The following ZNF721 variants were observed in gnomAD, a reference collection of about 807,000 sequenced individuals.
ZNF721 encodes zinc finger protein 721.
Under a neutral mutation model 2.4 loss-of-function variants are expected in ZNF721, and 2 were observed. The ratio of observed to expected loss-of-function variants is 0.82; its 90% CI spans 0.34 to 2.58. The LOEUF (loss-of-function observed/expected upper bound fraction) is 2.58. ZNF721 is among the 30% of genes most tolerant of loss of function. The pLI is 0.11. For synonymous variants in ZNF721, 398 were observed against 381.8 expected (o/e 1.04, Z -0.50); for missense variants, 1,187 against 1,085.5 (o/e 1.09, Z -1.31).
chr4:446,072 T>C (rs1313528011), intron 2 of ZNF721, among the ~76,000 whole-genome samples: 1 of 152,012 alleles, frequency 6.6e-6, no homozygotes, highest in Non-Finnish European at 1.5e-5. Context: ...AAAAGTATAT[T>C]AGCACAACAC....
chr4:481,219 G>C (rs181024018), intron 1 of ZNF721, among the ~76,000 whole-genome samples: 103 of 152,270 alleles, frequency 6.8e-4, no homozygotes, highest in African/African-American at 2.3e-3. Context: ...ACCACACCCA[G>C]AGGCATTTTA....
chr4:444,482 A>G (rs1293789151), intron 2 of ZNF721, 50 bp from the exon 3 acceptor site: 38 of 1,482,332 alleles, frequency 2.6e-5, no homozygotes, highest in Non-Finnish European at 3.3e-5. Context: ...ATTCATATGC[A>G]TATACTTTAC....
rs782023252 is a variant in ZNF721, at chr4:442,598, T to C, written c.1869A>G (p.Val623=). ...TCTGTTGATTCAGGTCCGTGTACCA[T>C]ACAAAGTCTTTGCCACACTCTTCAC... ...YKCEECGKDF[V]WYTDLNQQKK... The change falls in exon 3 of 3, where the codon GTA becomes GTG. Residue 623 remains valine (V), a synonymous_variant. Transcript: ENST00000511833. 4 of 1,613,578 alleles carry C rather than the reference T, an allele frequency of 2.5e-6. No homozygotes were observed. Among genetic ancestry groups the C allele is most frequent in the East Asian group, 4.5e-5 (2 of 44,794 alleles).
intron 2 of ZNF721, among the ~76,000 whole-genome samples, chr4:458,767 A>C (rs1714921315): frequency 6.6e-6 from 1 of 152,050 alleles, no homozygotes; most frequent in South Asian, 2.1e-4. Flanking sequence ...AATCGCTGGA[A>C]CCCAGGGGGC....
intron 1 of ZNF721, among the ~76,000 whole-genome samples, chr4:495,788 G>T (rs1553872137): frequency 6.6e-6 from 1 of 151,992 alleles, no homozygotes; most frequent in African/African-American, 2.4e-5. Flanking sequence ...ATTTTTAGTG[G>T]AGACGGGGTT....
intron 1 of ZNF721, among the ~76,000 whole-genome samples, chr4:476,530 C>T (rs1159157522): frequency 6.6e-6 from 1 of 152,162 alleles, no homozygotes; most frequent in African/African-American, 2.4e-5. Context: ...TGATGCTTCT[C>T]TGCTATTACC....
intron 2 of ZNF721, among the ~76,000 whole-genome samples, chr4:450,956 AATATATATATATAT>A (rs71166812): frequency 0.013 from 854 of 63,602 alleles, 25 homozygotes; most frequent in East Asian, 0.032. Flanking sequence ...AAAAAAAAAA[AATATATATATATAT>A]ATATATATAT....
At position 443,194 on chromosome 4, in the gene ZNF721, C is replaced by G. The variant is rs372992364; in HGVS notation, c.1273G>C (p.Ala425Pro). 5.6e-6 allele frequency: 9 copies of G among 1,613,436 alleles called. No individual in the cohort carries two copies. In the African/African-American group the frequency reaches 6.7e-5, roughly 12 times the overall value. Residue 425 changes from alanine to proline, a missense_variant, in exon 3 of 3, where the codon GCC (alanine) becomes CCC (proline). By Grantham distance (27) the Ala-to-Pro change is conservative. Transcript: ENST00000511833. ...TTCAGGTTTGTGGACAATCCAAAGG[C>G]TCTGCCACGATCTTCACATGTGTAG... The part of the protein sequence containing the change: ...KPYTCEDRGR[A>P]FGLSTNLNEY...
In ZNF721 at chr4:443,840, A is replaced by T; in HGVS notation, c.627T>A (p.Asn209Lys). 2 of 1,613,938 alleles carry T rather than the reference A, an allele frequency of 1.2e-6. No homozygotes were observed. Among genetic ancestry groups the T allele is most frequent in the Non-Finnish European group, 1.7e-6 (2 of 1,179,888 alleles). Reference sequence around the variant, plus strand: ...CTCCAGTATGAATTTTCTTATATTCATTCAGGTTTGTGGACCATCCAAAGG... The same window carrying T: ...CTCCAGTATGAATTTTCTTATATTCTTTCAGGTTTGTGGACCATCCAAAGG... ...DRAFGWSTNL[N>K]EYKKIHTGDK... Residue 209 changes from asparagine to lysine, a missense_variant, in exon 3 of 3, where the codon AAT becomes AAA. Physicochemically the swap from Asn to Lys is moderately conservative, Grantham distance 94. Transcript: ENST00000511833.
intron 1 of ZNF721, among the ~76,000 whole-genome samples, chr4:480,971 G>A (rs1553869371): frequency 6.6e-6 from 1 of 152,144 alleles, no homozygotes; most frequent in African/African-American, 2.4e-5. Flanking sequence ...CACACAGGCT[G>A]GAGTGCAGTG....
Position 495,027 on chromosome 4 carries a change from C to T in ZNF721, c.-94+4029G>A, listed in dbSNP as rs375664540. On this transcript the variant is annotated intron_variant, in intron 1 of 2. Transcript: ENST00000511833. ...CCTCCGGAGTAGCTGGGACTACAGG[C>T]GCCGGCCACCATGCCCGGCTAATTT... Among the ~76,000 whole-genome samples the T allele has an allele frequency of 9.2e-5, 14 of 151,634 alleles. No individual in the cohort carries two copies. In the East Asian group the frequency reaches 1.6e-3, roughly 17 times the overall value.
chr4:449,160 G>A (rs1045482142), intron 2 of ZNF721, among the ~76,000 whole-genome samples: 45 of 152,072 alleles, frequency 3.0e-4, no homozygotes, highest in African/African-American at 1.1e-3. Context: ...GCATAACAAC[G>A]TTAATATGAC....
Position 468,243 on chromosome 4 carries a change from G to T in ZNF721, c.34+4332C>A, listed in dbSNP as rs1715317870. ...GATAGCACCACTGCACTCCAGCCTG[G>T]GTGACAGAGTGAGACTCCGACTCAA... On this transcript the variant is annotated intron_variant, in intron 2 of 2. Coordinates refer to ENST00000511833, the MANE Select transcript of ZNF721 (RefSeq NM_133474.4). 4.6e-5 allele frequency among the ~76,000 whole-genome samples: 7 copies of T among 151,274 alleles called. 1 individual carries two copies. The highest frequency in any genetic ancestry group is 4.6e-4 in the Admixed American group (7 of 15,182).
At chr4:496,333 TG>T (rs1716152060) in intron 1 of ZNF721, among the ~76,000 whole-genome samples, 1 of 152,184 alleles carries the variant, frequency 6.6e-6, no homozygotes, top group Non-Finnish European at 1.5e-5. Context: ...GGTGGCCACC[TG>T]GCACAGTGTC....
intron 1 of ZNF721, chr4:474,165 C>G: frequency 1.8e-6 from 1 of 568,792 alleles, no homozygotes; most frequent in Non-Finnish European, 2.9e-6. Context: ...CCGAAGATCC[C>G]GGATGCCGCC....
intron 2 of ZNF721, among the ~76,000 whole-genome samples, chr4:452,366 A>C (rs201957782): frequency 6.6e-6 from 1 of 152,246 alleles, no homozygotes; most frequent in African/African-American, 2.4e-5. Context: ...CAAAAGGCTA[A>C]GGCTAAAATA....
chr4:451,049 A>C (rs1221574446), intron 2 of ZNF721, among the ~76,000 whole-genome samples: 1 of 148,250 alleles, frequency 6.7e-6, no homozygotes, highest in African/African-American at 2.5e-5. Flanking sequence ...AAGCATGTTC[A>C]TTATTATTTA....
chr4:478,532 G>T (rs1223175960), intron 1 of ZNF721, among the ~76,000 whole-genome samples: 1 of 151,834 alleles, frequency 6.6e-6, no homozygotes, highest in East Asian at 1.9e-4. Context: ...AGCCCTCAAG[G>T]TTTATCTTTA....
At chr4:461,987 A>T (rs1284686041) in intron 2 of ZNF721, among the ~76,000 whole-genome samples, 5 of 152,242 alleles carry the variant, frequency 3.3e-5, no homozygotes, top group African/African-American at 1.2e-4. Context: ...TGCAGATGAC[A>T]TGATTGTATA....
Sources: gnomAD v4.1 joint callset for allele counts (sites outside exome capture counted in the v4.1 genomes callset) on GRCh38, gnomAD v4.1.1 for gene constraint, MANE v1.5 for transcripts, NCBI Gene and HGNC (gene_info 2026-07-23, HGNC 2026-07-21) for gene names.